PCDHGB2: variants seen among roughly 807,000 people sequenced by gnomAD.
The protein encoded by PCDHGB2 is protocadherin gamma-B2.
In PCDHGB2, 55 loss-of-function variants were observed where a neutral mutation model predicts 59.3. The ratio of observed to expected loss-of-function variants is 0.93; its 90% CI spans 0.75 to 1.16. PCDHGB2 has a LOEUF of 1.16. Ranked by LOEUF, PCDHGB2 falls within the 50% of genes most tolerant of loss-of-function variation. PCDHGB2 has a pLI of 0.00. For synonymous variants in PCDHGB2, 516 were observed against 512.0 expected (o/e 1.01, Z -0.11); for missense variants, 1,228 against 1,198.5 (o/e 1.02, Z -0.36).
intron 1 of PCDHGB2, chr5:141,400,462 G>C: frequency 1.2e-6 from 2 of 1,614,062 alleles, no homozygotes; most frequent in Non-Finnish European, 1.7e-6. Flanking sequence ...ACTTTGTGGT[G>C]ATTCATCTGG....
chr5:141,395,310 A>T (rs752171326), intron 1 of PCDHGB2: 1 of 1,502,292 alleles, frequency 6.7e-7, no homozygotes, highest in African/African-American at 1.4e-5. Context: ...TTTGAAAAAC[A>T]TTGTGAAGAT....
At chr5:141,421,257 C>T (rs944057868) in intron 1 of PCDHGB2, 1 of 1,608,520 alleles carries the variant, frequency 6.2e-7, no homozygotes, top group African/African-American at 1.3e-5. Context: ...GCGGGGACCG[C>T]AGTCGGCTGC....
At chr5:141,380,474 C>T (rs1452214567) in intron 1 of PCDHGB2, among the ~76,000 whole-genome samples, 1 of 152,180 alleles carries the variant, frequency 6.6e-6, no homozygotes, top group Non-Finnish European at 1.5e-5. Context: ...GGTCAGGATT[C>T]TTCCCAATAT....
chr5:141,373,880 A>T, intron 1 of PCDHGB2: 1 of 466,736 alleles, frequency 2.1e-6, no homozygotes, highest in Non-Finnish European at 3.6e-6. Context: ...CAAGAAAATC[A>T]ACGGAAACTC....
chr5:141,448,464 T>C lies in PCDHGB2; in HGVS notation c.2422-46343T>C, dbSNP rs186054602. Among the ~76,000 whole-genome samples the C allele has an allele frequency of 2.6e-3, 402 of 152,296 alleles. 10 individuals are homozygous for C. The highest frequency in any genetic ancestry group is 0.023 in the Admixed American group (357 of 15,282). ...CTGACTTCCATCCCTATCCTACTCCTATTCCACCCTTGCTTCCTCCTGTCC... is the reference window on the plus strand; with the variant it reads ...CTGACTTCCATCCCTATCCTACTCCCATTCCACCCTTGCTTCCTCCTGTCC... On this transcript the variant is annotated intron_variant, in intron 1 of 3. Transcript: ENST00000522605.
chr5:141,426,754 T>C, intron 1 of PCDHGB2: 1 of 456,314 alleles, frequency 2.2e-6, no homozygotes, highest in Non-Finnish European at 4.4e-6. Context: ...GAATCTGCTA[T>C]AGATGCAGAT....
At chr5:141,469,259 A>G (rs1263722797) in intron 1 of PCDHGB2, among the ~76,000 whole-genome samples, 1 of 151,822 alleles carries the variant, frequency 6.6e-6, no homozygotes, top group Admixed American at 6.6e-5. Flanking sequence ...CTTGGGCAAC[A>G]GAGCAAGACC....
chr5:141,496,839 A>G (rs2099771783), intron 2 of PCDHGB2, among the ~76,000 whole-genome samples: 1 of 151,484 alleles, frequency 6.6e-6, no homozygotes. Flanking sequence ...CAGAACTCAT[A>G]GGCTTCCAGA....
At position 141,362,379 on chromosome 5, in the gene PCDHGB2, G is replaced by A. The variant is rs963441709; in HGVS notation, c.2244G>A (p.Leu748=). The change falls in exon 1 of 4, where the codon TTG becomes TTA. Residue 748 remains leucine, a synonymous_variant. Coordinates refer to ENST00000522605, the MANE Select transcript of PCDHGB2 (RefSeq NM_018923.3). The stretch of plus-strand genomic sequence containing the variant: ...TCCCCAATTACAGTGAGGGTACATT[G>A]CCCTATTCCTACAACCTGTGTGTTG... ...GVLPNYSEGT[L]PYSYNLCVAS... 19 of 1,614,004 alleles carry A rather than the reference G, an allele frequency of 1.2e-5. No homozygotes were observed. Among genetic ancestry groups the A allele is most frequent in the Non-Finnish European group, 1.5e-5 (18 of 1,179,880 alleles).
intron 1 of PCDHGB2, chr5:141,394,142 A>G (rs751602442): frequency 6.2e-7 from 1 of 1,613,996 alleles, no homozygotes; most frequent in Non-Finnish European, 8.5e-7. Flanking sequence ...TGCACGTGGC[A>G]GACATTAACG....
intron 1 of PCDHGB2, among the ~76,000 whole-genome samples, chr5:141,444,466 C>A (rs539222916): frequency 1.3e-5 from 2 of 151,982 alleles, no homozygotes; most frequent in African/African-American, 4.8e-5. Flanking sequence ...TCACTGCGCC[C>A]GGTCGCGTAC....
At chr5:141,455,160 G>T (rs6875366) in intron 1 of PCDHGB2, among the ~76,000 whole-genome samples, 16,301 of 149,190 alleles carry the variant, frequency 0.11, 1,328 homozygotes, top group African/African-American at 0.23. Context: ...TAGTTTGTTG[G>T]TTTTTTTTTT....
rs1193417991 is a variant in PCDHGB2 at position 141,491,413 on chromosome 5, G to C, written c.2422-3394G>C. 5.0e-6 allele frequency: 8 copies of C among 1,613,946 alleles called. No individual in the cohort carries two copies. Among genetic ancestry groups the C allele is most frequent in the African/African-American group, 1.3e-5 (1 of 74,906 alleles). ...CCTTCAGGGAAACGCAGACGGGGAC[G>C]GGGGTGGAGGGCAGTGCTGCAGGCG... On this transcript the variant is annotated intron_variant, in intron 1 of 3. Transcript: ENST00000522605. The surrounding 1 kb of genome is among the most constrained non-coding windows in gnomAD (Gnocchi z 6.9).
intron 1 of PCDHGB2, chr5:141,409,714 CG>C: frequency 6.2e-7 from 1 of 1,613,226 alleles, no homozygotes; most frequent in Non-Finnish European, 8.5e-7. Flanking sequence ...TGTCGTCATA[CG>C]TGTCAGTGAG....
rs3806835 is a variant in PCDHGB2, at chr5:141,370,079, T to C, written c.2421+7523T>C. On this transcript the variant is annotated intron_variant, in intron 1 of 3. Transcript: ENST00000522605. ...GTCCTTTTAAAATGGGAAGAAAGTATCACTATCAGTACACTGCCGATTTTT... is the reference window on the plus strand; with the variant it reads ...GTCCTTTTAAAATGGGAAGAAAGTACCACTATCAGTACACTGCCGATTTTT... Among the ~76,000 whole-genome samples, 56 of 152,350 alleles carry C rather than the reference T, an allele frequency of 3.7e-4. No homozygotes were observed. The East Asian group carries it at 0.011, about 29-fold the overall frequency.
At chr5:141,504,991 G>A (rs896449285) in intron 2 of PCDHGB2, among the ~76,000 whole-genome samples, 44 of 152,034 alleles carry the variant, frequency 2.9e-4, no homozygotes, top group Admixed American at 2.6e-3. Context: ...GTGAAACCCC[G>A]TCTGTACTAA....
At chr5:141,404,949 A>G in intron 1 of PCDHGB2, 1 of 1,613,834 alleles carries the variant, frequency 6.2e-7, no homozygotes, top group Non-Finnish European at 8.5e-7. Flanking sequence ...GCCATAGCTG[A>G]CAGCATCCCA....
At chr5:141,364,468 C>A (rs1305196130) in intron 1 of PCDHGB2, 9 of 1,614,006 alleles carry the variant, frequency 5.6e-6, no homozygotes, top group Non-Finnish European at 7.6e-6. Context: ...CCTTCGTCGG[C>A]AACATAGCCA....
At position 141,432,902 on chromosome 5, in the gene PCDHGB2, A is replaced by C. The variant is rs992417865; in HGVS notation, c.2422-61905A>C. The C allele has an allele frequency of 1.2e-6, 2 of 1,614,028 alleles. No homozygotes were observed. The highest frequency in any genetic ancestry group is 2.7e-5 in the African/African-American group (2 of 74,924). On this transcript the variant is annotated intron_variant, in intron 1 of 3. Coordinates refer to ENST00000522605, the MANE Select transcript of PCDHGB2 (RefSeq NM_018923.3). The surrounding 1 kb of genome is among the most constrained non-coding windows in gnomAD (Gnocchi z 6.0). ...CTTCGTCATCTTGCTGCTGGCGCTCAGGCTGCGGCGCTGGCACAAGTCACG... is the reference window on the plus strand; with the variant it reads ...CTTCGTCATCTTGCTGCTGGCGCTCCGGCTGCGGCGCTGGCACAAGTCACG...
Sources: gnomAD v4.1 joint callset for allele counts (sites outside exome capture counted in the v4.1 genomes callset) on GRCh38, gnomAD v4.1.1 for gene constraint, Gnocchi (gnomAD v3.1) non-coding constraint, MANE v1.5 for transcripts, NCBI Gene and HGNC (gene_info 2026-07-23, HGNC 2026-07-21) for gene names.